Variants in NLRP13 observed in about 807,000 individuals in gnomAD.
The protein encoded by NLRP13 is NACHT, LRR and PYD domains-containing protein 13.
Under a neutral mutation model 94.4 loss-of-function variants are expected in NLRP13, and 82 were observed. That is an observed-to-expected ratio of 0.87 (90% CI 0.73 to 1.04). The LOEUF is 1.04. Among genes scored for constraint, NLRP13 ranks in the 50% least tolerant of loss-of-function variants. The pLI, the probability that NLRP13 is intolerant of heterozygous loss-of-function variation, is 0.00. For missense variants in NLRP13, 1,426 were observed against 1,230.8 expected (o/e 1.16, Z -2.37); for synonymous variants, 553 against 464.7 (o/e 1.19, Z -2.45).
intron 8 of NLRP13, among the ~76,000 whole-genome samples, chr19:55,902,648 A>G (rs1212518251): frequency 6.6e-6 from 1 of 152,124 alleles, no homozygotes; most frequent in Non-Finnish European, 1.5e-5. Flanking sequence ...CGAGCAGTGC[A>G]TGTGCTTGGG....
intron 1 of NLRP13, among the ~76,000 whole-genome samples, chr19:55,925,619 C>T (rs1986948795): frequency 6.6e-6 from 1 of 152,150 alleles, no homozygotes. Context: ...CCAAGTCCCT[C>T]AATTTGCTGC....
chr19:55,914,367 G>A (rs916080016), intron 4 of NLRP13, among the ~76,000 whole-genome samples: 1 of 152,146 alleles, frequency 6.6e-6, no homozygotes, highest in Non-Finnish European at 1.5e-5. Context: ...CAAGGAATGA[G>A]ATGCCGTAAT....
chr19:55,925,893 C>T (rs1026261125), intron 1 of NLRP13, among the ~76,000 whole-genome samples: 2 of 152,118 alleles, frequency 1.3e-5, no homozygotes, highest in Admixed American at 1.3e-4. Context: ...CATCATTCTA[C>T]ACCCATGTTA....
At chr19:55,921,559 G>T (rs1484925849) in intron 4 of NLRP13, among the ~76,000 whole-genome samples, 1 of 152,226 alleles carries the variant, frequency 6.6e-6, no homozygotes, top group East Asian at 1.9e-4. Flanking sequence ...ACAGGAAAAG[G>T]TTAAATACAA....
At chr19:55,906,952 G>A (rs984020824) in intron 7 of NLRP13, among the ~76,000 whole-genome samples, 2 of 117,072 alleles carry the variant, frequency 1.7e-5, no homozygotes, top group Non-Finnish European at 3.5e-5. Context: ...TGAGTTCCTG[G>A]GATCTGTATT....
chr19:55,907,839 CAG>C lies in NLRP13; in HGVS notation c.2398_2399del (p.Leu800AspfsTer3). The C allele has an allele frequency of 6.2e-7, 1 of 1,613,946 alleles. No homozygotes were observed. Among genetic ancestry groups the C allele is most frequent in the Non-Finnish European group, 8.5e-7 (1 of 1,179,958 alleles). On this transcript the variant is annotated frameshift_variant, in exon 7 of 11. Coordinates refer to ENST00000342929, the MANE Select transcript of NLRP13 (RefSeq NM_176810.2). LOFTEE classifies it high-confidence loss of function. Reference protein sequence around the residue: ...SSNKLGMTVPLILKALRHSAC... With the variant: ...SSNKLGMTVPXILKALRHSAC... The stretch of plus-strand genomic sequence containing the variant: ...CTGAGTGTCTCAAAGCTTTAAGAAT[CAG>C]GGGGACAGTCATTCCCAGCTTGTTA...
At chr19:55,913,555 A>AAAAAAAAAAAAAAAAAAG (rs1986597348) in intron 4 of NLRP13, among the ~76,000 whole-genome samples, 1 of 119,964 alleles carries the variant, frequency 8.3e-6, no homozygotes, top group Non-Finnish European at 1.8e-5. Context: ...TCTCAAAAAA[A>AAAAAAAAAAAAAAAAAAG]AAAAAAAAAA....
In NLRP13 at chr19:55,927,225, TG is replaced by T. The variant is rs1347291593; in HGVS notation, c.320-2191del. On this transcript the variant is annotated intron_variant, in intron 1 of 10. Coordinates refer to ENST00000342929, the MANE Select transcript of NLRP13 (RefSeq NM_176810.2). Reference sequence around the variant, plus strand: ...CTCTAATAACAACACAAAAATTAGCTGGGTGTGGTGGTGGGCGCCTGTACTC... The same window carrying T: ...CTCTAATAACAACACAAAAATTAGCTGGTGTGGTGGTGGGCGCCTGTACTC... Among the ~76,000 whole-genome samples the T allele has an allele frequency of 7.3e-5, 11 of 151,668 alleles. No individual in the cohort carries two copies. The East Asian group carries it at 2.1e-3, about 29-fold the overall frequency.
At position 55,912,431 on chromosome 19, in the gene NLRP13, G is replaced by A; in HGVS notation, c.1386C>T (p.Asn462=). 3 of 1,614,166 alleles carry A rather than the reference G, an allele frequency of 1.9e-6. No homozygotes were observed. The highest frequency in any genetic ancestry group is 2.2e-5 in the East Asian group (1 of 44,882). ...AATCTACCTCTGCTGTGGAGAACAA[G>A]TTGGAGAAAAAATAGGCATACAGAC... ...TTSLYAYFFS[N]LFSTAEVDLA... Residue 462 remains asparagine, a synonymous_variant, in exon 5 of 11, where the codon AAC becomes AAT. Coordinates refer to ENST00000342929, the MANE Select transcript of NLRP13 (RefSeq NM_176810.2).
intron 5 of NLRP13, among the ~76,000 whole-genome samples, chr19:55,910,963 T>C (rs1320655267): frequency 6.6e-6 from 1 of 152,034 alleles, no homozygotes; most frequent in Non-Finnish European, 1.5e-5. Flanking sequence ...AAATACAAAA[T>C]TAGCCAGGTG....
Position 55,912,564 on chromosome 19 carries a change from A to T in NLRP13, c.1253T>A (p.Leu418His). The T allele has an allele frequency of 6.2e-7, 1 of 1,613,888 alleles. No homozygotes were observed. Among genetic ancestry groups the T allele is most frequent in the Non-Finnish European group, 8.5e-7 (1 of 1,179,824 alleles). The change falls in exon 5 of 11, where the codon CTC becomes CAC. Residue 418 changes from leucine to histidine, a missense_variant. Leu to His is a moderately conservative substitution (Grantham distance 99). Coordinates refer to ENST00000342929, the MANE Select transcript of NLRP13 (RefSeq NM_176810.2). ...CATGGGGGCACTGCAGGAATGAAAGAGAGTTTCGTTTTTTCTTAGCTGCTG... is the reference window on the plus strand; with the variant it reads ...CATGGGGGCACTGCAGGAATGAAAGTGAGTTTCGTTTTTTCTTAGCTGCTG... ...ILQQLRKNETLFHSCSAPMVC... is the reference protein window; with the variant it reads ...ILQQLRKNETHFHSCSAPMVC...
Position 55,912,402 on chromosome 19 carries a change from G to T in NLRP13, c.1415C>A (p.Ala472Glu), listed in dbSNP as rs377694493. 1 of 1,614,128 alleles carries T rather than the reference G, an allele frequency of 6.2e-7. No homozygotes were observed. The highest frequency in any genetic ancestry group is 8.5e-7 in the Non-Finnish European group (1 of 1,180,022). Residue 472 changes from alanine (A) to glutamate (E), a missense_variant, in exon 5 of 11, where the codon GCA becomes GAA. Transcript: ENST00000342929. ...NLFSTAEVDL[A>E]DDSWPGQWRA... is the part of the protein sequence containing the mutation. ...CCATTGTCCTGGCCAGCTGTCATCT[G>T]CCAAATCTACCTCTGCTGTGGAGAA... is the stretch of plus-strand genomic sequence containing the variant.
chr19:55,903,829 T>A (rs937503487), intron 8 of NLRP13, among the ~76,000 whole-genome samples: 1 of 152,154 alleles, frequency 6.6e-6, no homozygotes, highest in African/African-American at 2.4e-5. Context: ...TCCCTCCTGG[T>A]CAATAGGAGC....
chr19:55,897,295 G>C (rs1039116500), intron 10 of NLRP13, among the ~76,000 whole-genome samples: 13 of 152,192 alleles, frequency 8.5e-5, no homozygotes, highest in Non-Finnish European at 1.5e-5. Context: ...GAGGCAGGCA[G>C]ATCACTTGAG....
At chr19:55,901,521 G>C (rs1376217359) in intron 9 of NLRP13, among the ~76,000 whole-genome samples, 2 of 152,172 alleles carry the variant, frequency 1.3e-5, no homozygotes, top group African/African-American at 2.4e-5. Context: ...ATAAGCCACT[G>C]GTGCTGTTAG....
In NLRP13 at chr19:55,929,159, A is replaced by C. The variant is rs191456816; in HGVS notation, c.319+2834T>G. 3.6e-3 allele frequency among the ~76,000 whole-genome samples: 551 copies of C among 152,308 alleles called. 20 individuals carry two copies. The South Asian group carries it at 0.079, about 22-fold the overall frequency. Reference sequence around the variant, plus strand: ...GGAGAGGATGTGGAGAAATAGGAACACTTTTACACTGTTGGTGGGAGTGTA... The same window carrying C: ...GGAGAGGATGTGGAGAAATAGGAACCCTTTTACACTGTTGGTGGGAGTGTA... On this transcript the variant is annotated intron_variant, in intron 1 of 10. Coordinates refer to ENST00000342929, the MANE Select transcript of NLRP13 (RefSeq NM_176810.2).
intron 7 of NLRP13, among the ~76,000 whole-genome samples, chr19:55,905,406 C>CATAT (rs35976866): frequency 1.1e-4 from 16 of 149,444 alleles, no homozygotes; most frequent in African/African-American, 3.5e-4. Context: ...TATATACATA[C>CATAT]ATATATATAC....
At chr19:55,901,955 A>T (rs1338344479) in intron 9 of NLRP13, 80 bp downstream of exon 9, 2 of 1,457,162 alleles carry the variant, frequency 1.4e-6, no homozygotes, top group East Asian at 4.6e-5. Flanking sequence ...TTCAAACCCC[A>T]TCAGGAACTC....
At chr19:55,902,876 A>G (rs930951800) in intron 8 of NLRP13, among the ~76,000 whole-genome samples, 3 of 144,194 alleles carry the variant, frequency 2.1e-5, no homozygotes, top group Non-Finnish European at 4.6e-5. Flanking sequence ...TAATGTAAAT[A>G]TATAATGAAA....
Sources: gnomAD v4.1 joint callset for allele counts (sites outside exome capture counted in the v4.1 genomes callset) on GRCh38, gnomAD v4.1.1 for gene constraint, MANE v1.5 for transcripts, NCBI Gene and HGNC (gene_info 2026-07-23, HGNC 2026-07-21) for gene names.